KCNH8: variants seen among roughly 807,000 people sequenced by gnomAD.
KCNH8 encodes the protein voltage-gated delayed rectifier potassium channel KCNH8.
Under a neutral mutation model 103.6 loss-of-function variants are expected in KCNH8, and 70 were observed. The observed-to-expected ratio is 0.68, with a 90% confidence interval of 0.56 to 0.82. The LOEUF is 0.82. KCNH8 is among the 40% of genes least tolerant of loss of function. KCNH8 has a pLI of 0.00. For missense variants in KCNH8, 1,217 were observed against 1,329.9 expected, an observed-to-expected ratio of 0.92 and a Z score of 1.32; for synonymous variants, 498 against 489.4, an observed-to-expected ratio of 1.02 and a Z score of -0.23.
chr3:19,170,703 T>C (rs958468809), intron 1 of KCNH8, among the ~76,000 whole-genome samples: 24 of 144,994 alleles, frequency 1.7e-4, no homozygotes, highest in Non-Finnish European at 2.6e-4. Context: ...CACATATATA[T>C]ACACATATAT....
At chr3:19,481,919 A>G (rs1241032583) in intron 11 of KCNH8, among the ~76,000 whole-genome samples, 1 of 152,192 alleles carries the variant, frequency 6.6e-6, no homozygotes, top group Non-Finnish European at 1.5e-5. Flanking sequence ...TTGCAGCAGG[A>G]TGAGCCACAG....
Position 19,255,193 on chromosome 3 carries a change from C to T in KCNH8, c.310+1306C>T, listed in dbSNP as rs75955287. Among the ~76,000 whole-genome samples, 1,378 of 152,180 alleles carry T rather than the reference C, an allele frequency of 9.1e-3. 23 individuals are homozygous for T. Among genetic ancestry groups the T allele is most frequent in the Middle Eastern group, 0.02 (6 of 294 alleles). Reference sequence around the variant, plus strand: ...GTCTGCAAGTCAAGAAGAGAGGCCTCAGGAGAAACCAAACCTGTCAGCACC... The same window carrying T: ...GTCTGCAAGTCAAGAAGAGAGGCCTTAGGAGAAACCAAACCTGTCAGCACC... On this transcript the variant is annotated intron_variant, in intron 2 of 15. Coordinates refer to ENST00000328405, the MANE Select transcript of KCNH8 (RefSeq NM_144633.3).
intron 1 of KCNH8, among the ~76,000 whole-genome samples, chr3:19,227,748 G>T (rs957224716): frequency 1.3e-5 from 2 of 152,204 alleles, no homozygotes; most frequent in Non-Finnish European, 2.9e-5. Flanking sequence ...CAATTGTGAA[G>T]TATAGATAAT....
intron 5 of KCNH8, among the ~76,000 whole-genome samples, chr3:19,388,834 T>C (rs1311512698): frequency 6.6e-6 from 1 of 152,106 alleles, no homozygotes; most frequent in Non-Finnish European, 1.5e-5. Flanking sequence ...ACTAACTTGG[T>C]GGAAGATGTA....
At chr3:19,355,971 A>G (rs1559490105) in intron 5 of KCNH8, among the ~76,000 whole-genome samples, 2 of 149,818 alleles carry the variant, frequency 1.3e-5, no homozygotes, top group South Asian at 4.2e-4. Flanking sequence ...TTTCTGGAGT[A>G]GTAGTATTAA....
intron 3 of KCNH8, among the ~76,000 whole-genome samples, chr3:19,294,639 A>C: frequency 6.6e-6 from 1 of 152,230 alleles, no homozygotes; most frequent in South Asian, 2.1e-4. Context: ...TGTTTAAAAA[A>C]TGATCTTTGG....
At chr3:19,472,110 T>A (rs1471732257) in intron 11 of KCNH8, among the ~76,000 whole-genome samples, 1 of 152,142 alleles carries the variant, frequency 6.6e-6, no homozygotes, top group East Asian at 1.9e-4. Flanking sequence ...GTATTTTAAT[T>A]CATTTTTGCA....
chr3:19,380,944 A>T (rs1243905789), intron 5 of KCNH8, among the ~76,000 whole-genome samples: 1 of 152,226 alleles, frequency 6.6e-6, no homozygotes, highest in Non-Finnish European at 1.5e-5. Context: ...TGAAATCATA[A>T]TGTGCTTAAG....
At chr3:19,333,859 T>G (rs528761544) in intron 3 of KCNH8, among the ~76,000 whole-genome samples, 1 of 152,278 alleles carries the variant, frequency 6.6e-6, no homozygotes, top group African/African-American at 2.4e-5. Context: ...CCTCTTTCAC[T>G]TGTAGTCATT....
intron 11 of KCNH8, among the ~76,000 whole-genome samples, chr3:19,480,718 C>T (rs1387196153): frequency 6.6e-6 from 1 of 152,090 alleles, no homozygotes; most frequent in Non-Finnish European, 1.5e-5. Context: ...AATGTTGAGG[C>T]CTTCTCTCCA....
intron 5 of KCNH8, among the ~76,000 whole-genome samples, chr3:19,359,997 A>G (rs1271628647): frequency 6.6e-6 from 1 of 152,062 alleles, no homozygotes; most frequent in Non-Finnish European, 1.5e-5. Context: ...AGAATAAACA[A>G]AATTAGAGTA....
At chr3:19,250,879 G>A (rs189745816) in intron 1 of KCNH8, among the ~76,000 whole-genome samples, 2 of 152,236 alleles carry the variant, frequency 1.3e-5, no homozygotes, top group African/African-American at 4.8e-5. Flanking sequence ...TCTAGGACTT[G>A]CCATCTGGTA....
chr3:19,489,386 T>G (rs968163678), intron 11 of KCNH8, among the ~76,000 whole-genome samples: 1 of 152,130 alleles, frequency 6.6e-6, no homozygotes, highest in African/African-American at 2.4e-5. Flanking sequence ...GCCTGTCCTC[T>G]TAACCACTGT....
intron 3 of KCNH8, chr3:19,314,870 C>T (rs2065253528): frequency 6.5e-6 from 1 of 154,290 alleles, no homozygotes; most frequent in Non-Finnish European, 1.5e-5. Flanking sequence ...ATTGACTGCA[C>T]ATAATCCCAT....
At chr3:19,496,005 ATTGTTC>A (rs745828087) in intron 11 of KCNH8, among the ~76,000 whole-genome samples, 82 of 152,122 alleles carry the variant, frequency 5.4e-4, no homozygotes, top group Non-Finnish European at 7.8e-4. Flanking sequence ...TAGATTGGAT[ATTGTTC>A]GTATACAGGA....
intron 4 of KCNH8, among the ~76,000 whole-genome samples, chr3:19,346,419 A>T (rs1319317060): frequency 1.3e-4 from 20 of 152,092 alleles, no homozygotes; most frequent in Admixed American, 1.3e-3. Flanking sequence ...TTTAAGGACC[A>T]TCTGGAAGTA....
intron 12 of KCNH8, among the ~76,000 whole-genome samples, chr3:19,510,836 G>C (rs965628314): frequency 1.3e-5 from 2 of 152,028 alleles, no homozygotes; most frequent in Admixed American, 1.3e-4. Flanking sequence ...TTCAAGAAAA[G>C]TTTCCCGAAA....
chr3:19,483,799 CT>C (rs2068140638), intron 11 of KCNH8, among the ~76,000 whole-genome samples: 1 of 152,048 alleles, frequency 6.6e-6, no homozygotes, highest in Non-Finnish European at 1.5e-5. Context: ...CTTTTTTTCA[CT>C]GAGGATCAAG....
intron 3 of KCNH8, among the ~76,000 whole-genome samples, chr3:19,312,032 G>T (rs1459157044): frequency 6.6e-6 from 1 of 151,698 alleles, no homozygotes; most frequent in African/African-American, 2.4e-5. Context: ...TCTTTCTTCC[G>T]CAGTGTTTTG....
Sources: allele counts gnomAD v4.1 joint callset (sites outside exome capture counted in the v4.1 genomes callset), GRCh38; gene constraint gnomAD v4.1.1; transcripts MANE v1.5; gene names NCBI Gene and HGNC (gene_info 2026-07-23, HGNC 2026-07-21).